The following ITGB5 variants were observed in gnomAD, a reference collection of about 807,000 sequenced individuals.
ITGB5 encodes the protein integrin subunit beta 5, also known as integrin beta-5.
In ITGB5, 38 loss-of-function variants were observed where a neutral mutation model predicts 84.8. That is an observed-to-expected ratio of 0.45 (90% CI 0.35 to 0.59). The LOEUF is 0.59. Ranked by LOEUF, ITGB5 falls within the 20% of genes least tolerant of loss-of-function variation. ITGB5 has a pLI of 0.01. For synonymous variants in ITGB5, 393 were observed against 414.4 expected, an observed-to-expected ratio of 0.95 and a Z score of 0.63; for missense variants, 905 against 1,034.5, an observed-to-expected ratio of 0.87 and a Z score of 1.72.
intron 13 of ITGB5, among the ~76,000 whole-genome samples, chr3:124,765,637 A>G (rs1342246864): frequency 2.0e-5 from 3 of 152,084 alleles, no homozygotes; most frequent in Non-Finnish European, 4.4e-5. Flanking sequence ...ATCCTTCTAT[A>G]ACTCCCATTG....
intron 4 of ITGB5, among the ~76,000 whole-genome samples, chr3:124,847,613 A>T (rs1424100435): frequency 6.6e-6 from 1 of 152,214 alleles, no homozygotes; most frequent in Non-Finnish European, 1.5e-5. Flanking sequence ...GAAGATGGTA[A>T]AGCCTGGAAG....
intron 10 of ITGB5, among the ~76,000 whole-genome samples, chr3:124,787,168 C>T (rs1436248615): frequency 8.5e-5 from 13 of 152,148 alleles, no homozygotes; most frequent in East Asian, 7.7e-4. Context: ...ATCCTCGCCA[C>T]GGGGTTCTGT....
At chr3:124,795,927 T>C (rs2064215565) in intron 10 of ITGB5, among the ~76,000 whole-genome samples, 1 of 152,348 alleles carries the variant, frequency 6.6e-6, no homozygotes, top group East Asian at 1.9e-4. Flanking sequence ...CCTCCAGAAC[T>C]GTAATGGATT....
At chr3:124,776,883 G>T (rs1400795506) in intron 10 of ITGB5, among the ~76,000 whole-genome samples, 1 of 152,208 alleles carries the variant, frequency 6.6e-6, no homozygotes, top group East Asian at 1.9e-4. Flanking sequence ...TTGCTGAAGG[G>T]CCTGGGCTTG....
intron 2 of ITGB5, among the ~76,000 whole-genome samples, chr3:124,860,268 T>C (rs2065277868): frequency 6.6e-6 from 1 of 152,040 alleles, no homozygotes; most frequent in Non-Finnish European, 1.5e-5. Flanking sequence ...ATCACTTCAA[T>C]AGATGACAGC....
At chr3:124,892,355 G>A (rs1235070032), upstream of ITGB5, among the ~76,000 whole-genome samples, 1 of 151,430 alleles carries the variant, frequency 6.6e-6, no homozygotes, top group Non-Finnish European at 1.5e-5. Context: ...AAAACATGGT[G>A]AATGTACTTA....
chr3:124,778,317 A>G (rs1329099770), intron 10 of ITGB5, among the ~76,000 whole-genome samples: 5 of 152,254 alleles, frequency 3.3e-5, no homozygotes, highest in Non-Finnish European at 7.3e-5. Context: ...TCAGCTGTAT[A>G]GAATTCAACA....
rs374570419 is a variant in ITGB5, at chr3:124,848,281, C to G, written c.611+28G>C. The G allele has an allele frequency of 3.5e-5, 56 of 1,609,810 alleles. No homozygotes were observed. In the African/African-American group the frequency reaches 6.9e-4, roughly 20 times the overall value. On this transcript the variant is annotated intron_variant, in intron 4 of 14. Transcript: ENST00000296181. ...TTCTCCATTCTCCCACCCTTAAGTA[C>G]CCAACAGAAGGGCAACTGGTCACTT... is the stretch of plus-strand genomic sequence containing the variant.
In ITGB5 at chr3:124,763,541, G is replaced by T; in HGVS notation, c.*82C>A. 2 of 823,528 alleles carry T rather than the reference G, an allele frequency of 2.4e-6. No individual in the cohort carries two copies. The highest frequency in any genetic ancestry group is 2.1e-6 in the Non-Finnish European group (1 of 484,882). 51.0% of individuals were successfully genotyped at this position (823,528 alleles called of 1,614,324 possible). On this transcript the variant is annotated 3_prime_UTR_variant, in exon 15 of 15. Coordinates refer to ENST00000296181, the MANE Select transcript of ITGB5 (RefSeq NM_002213.5). ...CTGTGGTGCCTACCTAGGGAGCTGT[G>T]ATCAAGCCGAGCAGCCGTGCAAGGC...
intron 10 of ITGB5, among the ~76,000 whole-genome samples, chr3:124,776,205 G>C (rs999689281): frequency 6.6e-6 from 1 of 152,178 alleles, no homozygotes; most frequent in African/African-American, 2.4e-5. Flanking sequence ...GGCAGCATGA[G>C]CTCATCCCTG....
At chr3:124,764,186 G>C (rs548943503) in intron 14 of ITGB5, among the ~76,000 whole-genome samples, 1 of 152,332 alleles carries the variant, frequency 6.6e-6, no homozygotes, top group Non-Finnish European at 1.5e-5. Flanking sequence ...CCTGACCTGG[G>C]TCTGGAACAG....
intron 6 of ITGB5, 97 bp downstream of exon 6, chr3:124,821,216 G>A (rs2107559610): frequency 1.5e-6 from 2 of 1,339,918 alleles, no homozygotes; most frequent in Non-Finnish European, 2.1e-6. Flanking sequence ...GAATACTGAG[G>A]GCCAGAGGAA....
chr3:124,767,212 A>C (rs2063779939), intron 12 of ITGB5, among the ~76,000 whole-genome samples: 1 of 152,228 alleles, frequency 6.6e-6, no homozygotes, highest in East Asian at 1.9e-4. Context: ...GGTGAACACT[A>C]GGGCGGTAAA....
intron 7 of ITGB5, among the ~76,000 whole-genome samples, chr3:124,818,720 AAC>A (rs2064649823): frequency 6.6e-6 from 1 of 152,136 alleles, no homozygotes; most frequent in South Asian, 2.1e-4. Context: ...AAAAAAGAAA[AAC>A]AATCCTTTTC....
Position 124,859,311 on chromosome 3 carries a change from C to A in ITGB5, c.292G>T (p.Gly98Cys), listed in dbSNP as rs1343336884. The change falls in exon 3 of 15, where the codon GGT becomes TGT. Residue 98 changes from glycine (G) to cysteine (C), a missense_variant. By Grantham distance (159) the Gly-to-Cys change is radical. Coordinates refer to ENST00000296181, the MANE Select transcript of ITGB5 (RefSeq NM_002213.5). ...ACGTCCCAGCCTGCAGAGCCCGAAC[C>A]CTTGCTGCTGAGGGGCAGGCTCCTC... is the stretch of plus-strand genomic sequence containing the variant. ...VLRSLPLSSK[G>C]SGSAGWDVIQ... 2 of 1,614,152 alleles carry A rather than the reference C, an allele frequency of 1.2e-6. No individual in the cohort carries two copies. Among genetic ancestry groups the A allele is most frequent in the South Asian group, 2.2e-5 (2 of 91,070 alleles).
rs113121430 is a variant in ITGB5 at position 124,843,421 on chromosome 3, G to C, written c.612-1870C>G. Among the ~76,000 whole-genome samples, 784 of 152,270 alleles carry C rather than the reference G, an allele frequency of 5.1e-3. 2 individuals carry two copies. Among genetic ancestry groups the C allele is most frequent in the African/African-American group, 0.018 (764 of 41,538 alleles). ...GAAAAGAAACTGAATAATGATTGCT[G>C]TTTAACCAGGAAAGCTGTGACAAAC... On this transcript the variant is annotated intron_variant, in intron 4 of 14. Transcript: ENST00000296181.
intron 11 of ITGB5, among the ~76,000 whole-genome samples, chr3:124,771,748 C>CAAAAAAAAAAA (rs59189728): frequency 5.2e-4 from 36 of 69,176 alleles, no homozygotes; most frequent in African/African-American, 1.5e-3. Context: ...GACCCTGTCT[C>CAAAAAAAAAAA]AAAAAAAAAA....
chr3:124,768,558 C>G (rs142076448), intron 12 of ITGB5, among the ~76,000 whole-genome samples: 2 of 152,206 alleles, frequency 1.3e-5, no homozygotes, highest in Admixed American at 1.3e-4. Context: ...CGTGCCGTAG[C>G]GTGTTTCAGT....
chr3:124,808,771 C>T (rs760937563), intron 9 of ITGB5, among the ~76,000 whole-genome samples: 5 of 152,190 alleles, frequency 3.3e-5, no homozygotes, highest in African/African-American at 7.2e-5. Flanking sequence ...ACCAAAGTCA[C>T]GATGCCAACT....
Sources: allele counts gnomAD v4.1 joint callset (sites outside exome capture counted in the v4.1 genomes callset), GRCh38; gene constraint gnomAD v4.1.1; transcripts MANE v1.5; gene names NCBI Gene and HGNC (gene_info 2026-07-23, HGNC 2026-07-21).